The following CACNA1A variants were observed in gnomAD, a reference collection of about 807,000 sequenced individuals.
CACNA1A encodes calcium voltage-gated channel subunit alpha1 A.
Under a neutral mutation model 262.4 loss-of-function variants are expected in CACNA1A, and 57 were observed. The ratio of observed to expected loss-of-function variants is 0.22; its 90% CI spans 0.18 to 0.27. CACNA1A has a LOEUF of 0.27. Among genes scored for constraint, CACNA1A ranks in the 10% least tolerant of loss-of-function variants. The pLI is 1.00. For missense variants in CACNA1A, 2,526 were observed against 3,562.8 expected (o/e 0.71, Z 7.41); for synonymous variants, 1,431 against 1,419.3 (o/e 1.01, Z -0.18).
At chr19:13,505,500 C>A (rs371148062) in intron 1 of CACNA1A, among the ~76,000 whole-genome samples, 39 of 152,232 alleles carry the variant, frequency 2.6e-4, no homozygotes, top group Middle Eastern at 6.8e-3. Context: ...TGAGCGACGG[C>A]CAAGAAAACC....
In CACNA1A at chr19:13,255,044, A is replaced by T. The variant is rs140082092; in HGVS notation, c.4755+51T>A. ...GGTTTCATTTTATCAGGGTAGAGGC[A>T]GGAACGAGGTGGGGGTTAAGTAGTG... On this transcript the variant is annotated intron_variant, in intron 29 of 46. Coordinates refer to ENST00000360228, the MANE Select transcript of CACNA1A (RefSeq NM_001127222.2). 675 of 1,585,490 alleles carry T rather than the reference A, an allele frequency of 4.3e-4. 3 individuals are homozygous for T. The African/African-American group carries it at 8.1e-3, about 19-fold the overall frequency.
At chr19:13,227,204 G>A (rs763905904) in intron 37 of CACNA1A, 6 of 293,938 alleles carry the variant, frequency 2.0e-5, no homozygotes, top group South Asian at 1.5e-4. Context: ...CTCAAAACAC[G>A]AAGACACTCA....
intron 6 of CACNA1A, among the ~76,000 whole-genome samples, chr19:13,358,883 G>A (rs141836155): frequency 3.9e-4 from 59 of 152,330 alleles, no homozygotes; most frequent in Admixed American, 8.5e-4. Context: ...GTCAAGGTGT[G>A]GGGAGAGCCA....
chr19:13,498,173 G>A (rs75092748), intron 1 of CACNA1A, among the ~76,000 whole-genome samples: 250 of 152,032 alleles, frequency 1.6e-3, no homozygotes, highest in African/African-American at 5.9e-3. Flanking sequence ...ATAAAAGAAC[G>A]TGACAGACTC....
intron 4 of CACNA1A, among the ~76,000 whole-genome samples, chr19:13,368,761 G>GTGT (rs1383299472): frequency 5.4e-5 from 8 of 148,218 alleles, no homozygotes; most frequent in African/African-American, 2.1e-4. Flanking sequence ...GGTGCTGGCC[G>GTGT]GGCGCGGTGG....
chr19:13,255,898 TTTC>T (rs199657025), intron 28 of CACNA1A, among the ~76,000 whole-genome samples: 2,353 of 142,034 alleles, frequency 0.017, 18 homozygotes, highest in African/African-American at 0.023. Flanking sequence ...GCTCCCTTTC[TTTC>T]TTCTTCATTC....
intron 1 of CACNA1A, among the ~76,000 whole-genome samples, chr19:13,472,990 C>T (rs1468998651): frequency 1.3e-5 from 2 of 152,136 alleles, no homozygotes; most frequent in Non-Finnish European, 2.9e-5. Flanking sequence ...CAGTGGCTCA[C>T]ACCTGTAATC....
At position 13,207,900 on chromosome 19, in the gene CACNA1A, G is replaced by T; in HGVS notation, c.6934C>A (p.Pro2312Thr). 6.8e-7 allele frequency: 1 copy of T among 1,468,478 alleles called. No homozygotes were observed. The highest frequency in any genetic ancestry group is 1.4e-5 in the South Asian group (1 of 73,248). 91.0% of individuals were successfully genotyped at this position (1,468,478 alleles called of 1,614,324 possible). Residue 2312 changes from proline to threonine, a missense_variant, in exon 47 of 47, where the codon CCG becomes ACG. Transcript: ENST00000360228. This position sits in a 1 kb window ranked among gnomAD's most constrained non-coding sequence, Gnocchi z 5.7. ...TGCTGCTGCTGCTGCTGCTGCTGCG[G>T]GGGCCCCGAGCCGCCGGCCTTACGG... ...VIRKAGGSGP[P>T]QQQQQQQQQQ...
intron 11 of CACNA1A, 32 bp from the exon 12 acceptor site, chr19:13,312,813 GTT>G: frequency 1.7e-6 from 2 of 1,173,654 alleles, no homozygotes; most frequent in Non-Finnish European, 2.4e-6. Context: ...CAGAGAGGAG[GTT>G]AGGCTTGCTG....
intron 3 of CACNA1A, 113 bp downstream of exon 3, chr19:13,452,763 G>A (rs1382403174): frequency 2.1e-6 from 2 of 931,842 alleles, no homozygotes; most frequent in African/African-American, 3.3e-5. Flanking sequence ...CATAACAAGG[G>A]GAGGGAGAAC....
At chr19:13,331,589 T>A (rs1030743170) in intron 9 of CACNA1A, among the ~76,000 whole-genome samples, 1 of 152,226 alleles carries the variant, frequency 6.6e-6, no homozygotes, top group Admixed American at 6.5e-5. Flanking sequence ...AGCAAGAAGT[T>A]GCATTTTTCA....
chr19:13,232,926 A>G (rs1600133486), intron 34 of CACNA1A, among the ~76,000 whole-genome samples: 1 of 144,844 alleles, frequency 6.9e-6, no homozygotes, highest in Non-Finnish European at 1.5e-5. Context: ...ACGGGCACCT[A>G]TAATCTCAGC....
intron 15 of CACNA1A, 121 bp from the exon 16 acceptor site, chr19:13,304,005 C>A: frequency 1.4e-6 from 1 of 699,108 alleles, no homozygotes; most frequent in African/African-American, 1.8e-5. Flanking sequence ...CTTTAACAAT[C>A]CTGCCCGGTT....
chr19:13,259,951 T>G (rs1193212129), intron 26 of CACNA1A: 2 of 444,998 alleles, frequency 4.5e-6, no homozygotes, highest in Non-Finnish European at 8.3e-6. Context: ...TGACCCAGGG[T>G]CCAGCACCCT....
intron 1 of CACNA1A, among the ~76,000 whole-genome samples, chr19:13,487,022 C>T (rs2145107423): frequency 6.6e-6 from 1 of 152,238 alleles, no homozygotes; most frequent in Non-Finnish European, 1.5e-5. Context: ...GATGGCATGG[C>T]CCACCGTGGT....
At chr19:13,283,244 G>C (rs2057330541) in intron 22 of CACNA1A, 23 bp downstream of exon 22, 1 of 1,609,440 alleles carries the variant, frequency 6.2e-7, no homozygotes, top group Middle Eastern at 1.7e-4. Flanking sequence ...AGGCTAGGAA[G>C]GGGTGTGCTC....
intron 27 of CACNA1A, 170 bp from the exon 28 acceptor site, chr19:13,257,721 G>A (rs2144749646): frequency 2.1e-6 from 1 of 476,956 alleles, no homozygotes; most frequent in Non-Finnish European, 3.7e-6. Context: ...TGACAACAAT[G>A]TCAGTTATTT....
chr19:13,282,330 T>C (rs2057310981), intron 22 of CACNA1A, among the ~76,000 whole-genome samples: 1 of 151,278 alleles, frequency 6.6e-6, no homozygotes. Flanking sequence ...GAGGGAAGGG[T>C]TGGGGGAGGG....
chr19:13,312,568 T>A, intron 12 of CACNA1A, 101 bp downstream of exon 12: 1 of 685,510 alleles, frequency 1.5e-6, no homozygotes, highest in Non-Finnish European at 2.5e-6. Context: ...GAGTCTCTCA[T>A]ATTCAGGGGT....
Sources: allele counts gnomAD v4.1 joint callset (sites outside exome capture counted in the v4.1 genomes callset), GRCh38; gene constraint gnomAD v4.1.1; non-coding constraint Gnocchi (gnomAD v3.1); transcripts MANE v1.5; gene names NCBI Gene and HGNC (gene_info 2026-07-23, HGNC 2026-07-21).